LTBP1: variants seen among roughly 807,000 people sequenced by gnomAD.
LTBP1 encodes latent-transforming growth factor beta-binding protein 1.
Under a neutral mutation model 207.6 loss-of-function variants are expected in LTBP1, and 129 were observed. The observed-to-expected ratio is 0.62, with a 90% CI of 0.54 to 0.72. The LOEUF is 0.72. Ranked by LOEUF, LTBP1 falls within the 30% of genes least tolerant of loss-of-function variation. The pLI, the probability that LTBP1 is intolerant of heterozygous loss-of-function variation, is 0.00. For synonymous variants in LTBP1, 963 were observed against 833.7 expected (o/e 1.16, Z -2.67); for missense variants, 2,281 against 2,217.2 (o/e 1.03, Z -0.58).
chr2:33,328,537 G>A (rs185171721), intron 24 of LTBP1, among the ~76,000 whole-genome samples: 4 of 152,308 alleles, frequency 2.6e-5, no homozygotes, highest in African/African-American at 9.6e-5. Flanking sequence ...TCTTCACAGG[G>A]CGGCAGGATG....
intron 2 of LTBP1, among the ~76,000 whole-genome samples, chr2:32,959,621 ATTT>A (rs397972038): frequency 5.5e-5 from 2 of 36,668 alleles, no homozygotes; most frequent in African/African-American, 9.6e-5. Context: ...ATATATATAT[ATTT>A]TTTTTTTTTT....
rs193061059 is a variant in LTBP1, at chr2:33,376,041, A to G, written c.4711+10538A>G. The stretch of plus-strand genomic sequence containing the variant: ...GATTAAACTTAAAAGTTATTTCTAC[A>G]TATAAATTCTATTAATTAAAATTTT... On this transcript the variant is annotated intron_variant, in intron 31 of 33. Coordinates refer to ENST00000404816, the MANE Select transcript of LTBP1 (RefSeq NM_206943.4). Among the ~76,000 whole-genome samples, 359 of 152,328 alleles carry G rather than the reference A, an allele frequency of 2.4e-3. 1 individual carries two copies. The highest frequency in any genetic ancestry group is 0.01 in the Middle Eastern group (3 of 294).
intron 26 of LTBP1, among the ~76,000 whole-genome samples, chr2:33,353,653 A>G (rs2094813566): frequency 1.3e-5 from 2 of 152,188 alleles, no homozygotes; most frequent in South Asian, 2.1e-4. Context: ...AAGTGGGGAA[A>G]TGTCTATTCA....
At chr2:33,048,902 T>G (rs944112000) in intron 3 of LTBP1, among the ~76,000 whole-genome samples, 2 of 152,220 alleles carry the variant, frequency 1.3e-5, no homozygotes, top group Non-Finnish European at 2.9e-5. Flanking sequence ...TTAAGAATGT[T>G]TTTTATAAAA....
At chr2:33,045,202 G>C (rs935129969) in intron 3 of LTBP1, among the ~76,000 whole-genome samples, 1 of 152,142 alleles carries the variant, frequency 6.6e-6, no homozygotes, top group Non-Finnish European at 1.5e-5. Context: ...CCTATGTCCT[G>C]AATGGTATTG....
chr2:33,215,488 G>T (rs565593095), intron 7 of LTBP1, among the ~76,000 whole-genome samples: 4 of 152,100 alleles, frequency 2.6e-5, no homozygotes, highest in Non-Finnish European at 5.9e-5. Context: ...AGCCTTCTGT[G>T]GTTTGGTCTT....
At chr2:33,079,096 T>G (rs1430139452) in intron 3 of LTBP1, among the ~76,000 whole-genome samples, 1 of 152,166 alleles carries the variant, frequency 6.6e-6, no homozygotes, top group Non-Finnish European at 1.5e-5. Flanking sequence ...TTTATCCTGT[T>G]AATTTTATTT....
In LTBP1 at chr2:33,323,748, T is replaced by C. The variant is rs1007347198; in HGVS notation, c.3730+8479T>C. ...AATCAAGGGAGGAAGGGACAGTCTGTAGCTCATCCTGGAGTACTAGGAAAC... is the reference window on the plus strand; with the variant it reads ...AATCAAGGGAGGAAGGGACAGTCTGCAGCTCATCCTGGAGTACTAGGAAAC... On this transcript the variant is annotated intron_variant, in intron 24 of 33. Coordinates refer to ENST00000404816, the MANE Select transcript of LTBP1 (RefSeq NM_206943.4). Among the ~76,000 whole-genome samples the C allele has an allele frequency of 8.5e-5, 13 of 152,326 alleles. 1 individual carries two copies. The South Asian group carries it at 2.1e-3, about 24-fold the overall frequency.
At chr2:33,181,978 A>G (rs1320035651) in intron 5 of LTBP1, among the ~76,000 whole-genome samples, 5 of 152,222 alleles carry the variant, frequency 3.3e-5, no homozygotes, top group Non-Finnish European at 7.3e-5. Context: ...GTATAAAAAG[A>G]CTGCCTGCCA....
At chr2:33,139,207 G>A (rs186739022) in intron 5 of LTBP1, among the ~76,000 whole-genome samples, 42 of 151,894 alleles carry the variant, frequency 2.8e-4, no homozygotes, top group Admixed American at 6.6e-4. Flanking sequence ...CTGCCTCTTC[G>A]GCATATGGTA....
intron 15 of LTBP1, among the ~76,000 whole-genome samples, chr2:33,265,329 T>G (rs1244198237): frequency 6.6e-6 from 1 of 152,228 alleles, no homozygotes; most frequent in Non-Finnish European, 1.5e-5. Context: ...TTTGACCCAG[T>G]AATTCTATTT....
intron 24 of LTBP1, among the ~76,000 whole-genome samples, chr2:33,330,865 C>T (rs2094485587): frequency 6.7e-6 from 1 of 148,854 alleles, no homozygotes; most frequent in Non-Finnish European, 1.5e-5. Context: ...GTCATTTGTG[C>T]CTGGAATGTT....
At chr2:33,160,533 C>T (rs1387433820) in intron 5 of LTBP1, among the ~76,000 whole-genome samples, 1 of 152,180 alleles carries the variant, frequency 6.6e-6, no homozygotes, top group African/African-American at 2.4e-5. Flanking sequence ...ACCACATCTT[C>T]TTTCTATTTT....
At chr2:33,270,068 C>G (rs1260061545) in intron 15 of LTBP1, among the ~76,000 whole-genome samples, 2 of 151,330 alleles carry the variant, frequency 1.3e-5, no homozygotes, top group Admixed American at 1.3e-4. Context: ...AGGTGCCCAC[C>G]ACCACACCTG....
chr2:33,128,142 C>T (rs987479297), intron 4 of LTBP1, among the ~76,000 whole-genome samples: 29 of 152,220 alleles, frequency 1.9e-4, no homozygotes, highest in African/African-American at 6.5e-4. Flanking sequence ...ACAAATAGCC[C>T]AGTAGATATC....
intron 9 of LTBP1, among the ~76,000 whole-genome samples, chr2:33,225,896 C>A (rs1006792838): frequency 6.6e-6 from 1 of 152,112 alleles, no homozygotes; most frequent in African/African-American, 2.4e-5. Context: ...ATCCATGTTA[C>A]ACAAATGACA....
chr2:32,967,197 G>A lies in LTBP1; in HGVS notation c.565+18252G>A, dbSNP rs184147045. On this transcript the variant is annotated intron_variant, in intron 2 of 33. Transcript: ENST00000404816. ...CTTTCATTTCTGACATTAGTAGTTT[G>A]TGTCTTCTTTTTTTCTTAGTTAGCC... is the stretch of plus-strand genomic sequence containing the variant. Among the ~76,000 whole-genome samples the A allele has an allele frequency of 1.5e-3, 233 of 152,012 alleles. 1 individual carries two copies. Among genetic ancestry groups the A allele is most frequent in the Non-Finnish European group, 2.8e-3 (188 of 67,928 alleles).
intron 18 of LTBP1, 92 bp downstream of exon 18, chr2:33,276,015 T>C: frequency 7.0e-7 from 1 of 1,437,614 alleles, no homozygotes; most frequent in Admixed American, 2.6e-5. Flanking sequence ...CCACACTCAG[T>C]GCGTGACACC....
At chr2:33,229,553 A>G (rs542479463) in intron 9 of LTBP1, among the ~76,000 whole-genome samples, 1 of 152,212 alleles carries the variant, frequency 6.6e-6, no homozygotes, top group African/African-American at 2.4e-5. Flanking sequence ...TTACTGGCTG[A>G]TTAATGTTTT....
Sources: gnomAD v4.1 joint callset for allele counts (sites outside exome capture counted in the v4.1 genomes callset) on GRCh38, gnomAD v4.1.1 for gene constraint, MANE v1.5 for transcripts, NCBI Gene and HGNC (gene_info 2026-07-23, HGNC 2026-07-21) for gene names.